SLC22A23: variants seen among roughly 807,000 people sequenced by gnomAD.
The protein encoded by SLC22A23 is solute carrier family 22 member 23.
Under a neutral mutation model 61.0 loss-of-function variants are expected in SLC22A23, and 26 were observed. The observed-to-expected ratio is 0.43, with a 90% CI of 0.31 to 0.59. SLC22A23 has a LOEUF of 0.59. Ranked by LOEUF, SLC22A23 falls within the 20% of genes least tolerant of loss-of-function variation. SLC22A23 has a pLI of 0.11. For missense variants in SLC22A23, 796 were observed against 934.7 expected (o/e 0.85, Z 1.94); for synonymous variants, 430 against 413.9 (o/e 1.04, Z -0.47).
intron 3 of SLC22A23, among the ~76,000 whole-genome samples, chr6:3,374,586 A>G (rs538405437): frequency 3.9e-5 from 6 of 152,336 alleles, no homozygotes; most frequent in Middle Eastern, 3.4e-3. Flanking sequence ...GATGACCCTT[A>G]AGTAAAAAAA....
intron 6 of SLC22A23, among the ~76,000 whole-genome samples, chr6:3,287,675 GTTTTT>G (rs11418179): frequency 8.8e-5 from 12 of 136,886 alleles, no homozygotes; most frequent in African/African-American, 2.8e-4. Context: ...ACAGGAAACT[GTTTTT>G]TTTTTTGTTT....
chr6:3,448,575 G>T (rs1772025396), intron 1 of SLC22A23, among the ~76,000 whole-genome samples: 1 of 151,954 alleles, frequency 6.6e-6, no homozygotes, highest in Non-Finnish European at 1.5e-5. Context: ...CTCACTGCAA[G>T]CTCCGCCTCC....
chr6:3,323,276 C>T (rs774579633), intron 4 of SLC22A23: 31 of 456,362 alleles, frequency 6.8e-5, no homozygotes, highest in Non-Finnish European at 1.2e-4. Flanking sequence ...CTGCTGCATC[C>T]ACTCAACTCT....
rs1388371546 is a variant in SLC22A23 at position 3,456,265 on chromosome 6, G to A, written c.295C>T (p.Leu99Phe). ...GCCGGGATCCAGGTGAGCAGCACGAGGGTCTTCTGATAGCCCCCGCCCAGG... is the reference window on the plus strand; with the variant it reads ...GCCGGGATCCAGGTGAGCAGCACGAAGGTCTTCTGATAGCCCCCGCCCAGG... ...GGLGGGYQKT[L>F]VLLTWIPALF... Residue 99 changes from leucine to phenylalanine, a missense_variant, in exon 1 of 10, where the codon CTC becomes TTC. Leu to Phe is a conservative substitution (Grantham distance 22, BLOSUM62 0). Coordinates refer to ENST00000406686, the MANE Select transcript of SLC22A23 (RefSeq NM_015482.2). This position sits in a 1 kb window ranked among gnomAD's most constrained non-coding sequence, Gnocchi z 7.1. 3 of 1,551,396 alleles carry A rather than the reference G, an allele frequency of 1.9e-6. No individual in the cohort carries two copies. Among genetic ancestry groups the A allele is most frequent in the Admixed American group, 3.9e-5 (2 of 50,996 alleles).
In SLC22A23 at chr6:3,415,770, G is replaced by T; in HGVS notation, c.740C>A (p.Thr247Asn). The part of the protein sequence containing the change: ...LVGLIFGYLI[T>N]GCIADWVGRR... ...TACTCACCAGTCAGCAATGCATCCA[G>T]TTATTAGGTAGCCAAAGATTAATCC... The change falls in exon 2 of 10, where the codon ACT becomes AAT. Residue 247 changes from threonine to asparagine, a missense_variant. Physicochemically the swap from Thr to Asn is moderately conservative, Grantham distance 65. Transcript: ENST00000406686. 6.4e-7 allele frequency: 1 copy of T among 1,551,674 alleles called. No individual in the cohort carries two copies. The highest frequency in any genetic ancestry group is 1.4e-5 in the African/African-American group (1 of 73,150).
chr6:3,441,528 C>T (rs1024644906), intron 1 of SLC22A23, among the ~76,000 whole-genome samples: 1 of 152,124 alleles, frequency 6.6e-6, no homozygotes, highest in Non-Finnish European at 1.5e-5. Context: ...GGTCCTCTCT[C>T]AATCCTTTCA....
intron 3 of SLC22A23, among the ~76,000 whole-genome samples, chr6:3,402,816 A>G (rs1768522091): frequency 6.6e-6 from 1 of 152,114 alleles, no homozygotes; most frequent in Non-Finnish European, 1.5e-5. Flanking sequence ...TGTCCTCAAC[A>G]CTCAACAATG....
In SLC22A23 at chr6:3,286,769, C is replaced by T; in HGVS notation, c.1546+90G>A. On this transcript the variant is annotated intron_variant, in intron 7 of 9. Coordinates refer to ENST00000406686, the MANE Select transcript of SLC22A23 (RefSeq NM_015482.2). The surrounding 1 kb of genome is among the most constrained non-coding windows in gnomAD (Gnocchi z 4.2). ...CTTCCAGCAGTAGATTTTAGAGTGG[C>T]CAGCGGAGTCTTATGCAGCCCTTTC... is the stretch of plus-strand genomic sequence containing the variant. 2 of 1,102,354 alleles carry T rather than the reference C, an allele frequency of 1.8e-6. No individual in the cohort carries two copies. The highest frequency in any genetic ancestry group is 1.4e-5 in the South Asian group (1 of 69,078). The allele number at this position is 1,102,354 out of a possible 1,614,324, so 68.3% of individuals were successfully genotyped here. A position where few individuals can be genotyped will look rare whatever the true frequency, so the allele number is the denominator to read the frequency against.
chr6:3,311,023 C>T (rs533567019), intron 4 of SLC22A23, among the ~76,000 whole-genome samples: 2 of 152,372 alleles, frequency 1.3e-5, no homozygotes, highest in South Asian at 2.1e-4. Context: ...TTCCACGTGA[C>T]GCCATTCACG....
At chr6:3,295,379 G>C (rs755897592) in intron 5 of SLC22A23, among the ~76,000 whole-genome samples, 41 of 151,208 alleles carry the variant, frequency 2.7e-4, no homozygotes, top group Non-Finnish European at 2.1e-4. Context: ...TGTCCTGGGA[G>C]CCAAACGAAG....
At position 3,361,838 on chromosome 6, in the gene SLC22A23, C is replaced by T. The variant is rs550466151; in HGVS notation, c.914-37836G>A. ...TGGGACACCTGTCAAGCGGGAAACA[C>T]GTGCCGGTTCTCACGCTACGACCTA... On this transcript the variant is annotated intron_variant, in intron 3 of 9. Transcript: ENST00000406686. Among the ~76,000 whole-genome samples, 9 of 152,218 alleles carry T rather than the reference C, an allele frequency of 5.9e-5. 1 individual carries two copies. Among genetic ancestry groups the T allele is most frequent in the African/African-American group, 1.7e-4 (7 of 41,454 alleles).
intron 2 of SLC22A23, 132 bp downstream of exon 2, chr6:3,415,620 G>GTA: frequency 1.6e-6 from 1 of 625,026 alleles, no homozygotes; most frequent in African/African-American, 1.8e-5. Flanking sequence ...TTCTCCACGT[G>GTA]GCAGCTTTGG....
intron 1 of SLC22A23, among the ~76,000 whole-genome samples, chr6:3,434,362 TC>T (rs1227777885): frequency 6.6e-6 from 1 of 150,550 alleles, no homozygotes; most frequent in Non-Finnish European, 1.5e-5. Context: ...ATGCCTGCAA[TC>T]CTAGCACTTT....
Position 3,289,860 on chromosome 6 carries a change from T to C in SLC22A23, c.1217A>G (p.Glu406Gly). The C allele has an allele frequency of 6.2e-7, 1 of 1,613,644 alleles. No individual in the cohort carries two copies. The highest frequency in any genetic ancestry group is 1.1e-5 in the South Asian group (1 of 91,026). The change falls in exon 6 of 10, where the codon GAG (glutamate) becomes GGG (glycine). Residue 406 changes from glutamate to glycine, a missense_variant. By Grantham distance (98) the Glu-to-Gly change is moderately conservative. Transcript: ENST00000406686. ...CTTGGGCCTCCGGGAAAGCTCTTTC[T>C]CCAGCTCTGCAAAGAAACAGACCCT... Reference protein sequence around the residue: ...GDIKGVIPELEKELSRRPKKV... With the variant: ...GDIKGVIPELGKELSRRPKKV...
chr6:3,286,418 A>G lies in SLC22A23; in HGVS notation c.1546+441T>C, dbSNP rs1484211293. Among the ~76,000 whole-genome samples the G allele has an allele frequency of 5.9e-5, 9 of 152,196 alleles. No individual in the cohort carries two copies. The highest frequency in any genetic ancestry group is 2.2e-4 in the African/African-American group (9 of 41,460). ...CCCGGCCAGATTATTTTTAACCTTT[A>G]CTGAGAAATTCTTTGGTCCAAAGAG... is the stretch of plus-strand genomic sequence containing the variant. On this transcript the variant is annotated intron_variant, in intron 7 of 9. Coordinates refer to ENST00000406686, the MANE Select transcript of SLC22A23 (RefSeq NM_015482.2). The surrounding 1 kb of genome is among the most constrained non-coding windows in gnomAD (Gnocchi z 4.2).
intron 2 of SLC22A23, among the ~76,000 whole-genome samples, chr6:3,411,541 T>A (rs372311390): frequency 2.0e-5 from 3 of 152,160 alleles, no homozygotes; most frequent in African/African-American, 7.2e-5. Context: ...GTGATGGCTG[T>A]ACAACTCTGC....
At chr6:3,437,261 A>C (rs1443841075) in intron 1 of SLC22A23, among the ~76,000 whole-genome samples, 1 of 152,120 alleles carries the variant, frequency 6.6e-6, no homozygotes, top group Non-Finnish European at 1.5e-5. Context: ...CCAAAAAAAA[A>C]CCCCAAAACA....
At chr6:3,415,925 G>A (rs2127522884) in intron 1 of SLC22A23, 70 bp from the exon 2 acceptor site, 1 of 1,173,848 alleles carries the variant, frequency 8.5e-7, no homozygotes, top group Non-Finnish European at 1.2e-6. Flanking sequence ...CAATTATAAG[G>A]GCAATACAAT....
At chr6:3,314,436 G>A (rs993885032) in intron 4 of SLC22A23, among the ~76,000 whole-genome samples, 5 of 152,160 alleles carry the variant, frequency 3.3e-5, no homozygotes, top group East Asian at 1.9e-4. Context: ...CAGCAACACC[G>A]CATCTCTCTG....
Sources: gnomAD v4.1 joint callset for allele counts (sites outside exome capture counted in the v4.1 genomes callset) on GRCh38, gnomAD v4.1.1 for gene constraint, Gnocchi (gnomAD v3.1) non-coding constraint, MANE v1.5 for transcripts, NCBI Gene and HGNC (gene_info 2026-07-23, HGNC 2026-07-21) for gene names.